NTRK3: variants seen among roughly 807,000 people sequenced by gnomAD.
The protein encoded by NTRK3 is NT-3 growth factor receptor.
Under a neutral mutation model 91.7 loss-of-function variants are expected in NTRK3, and 24 were observed. That is an observed-to-expected ratio of 0.26 (90% confidence interval 0.19 to 0.37). The LOEUF is 0.37. Among genes scored for constraint, NTRK3 ranks in the 10% least tolerant of loss-of-function variants. NTRK3 has a pLI of 1.00. For synonymous variants in NTRK3, 483 were observed against 404.0 expected, an observed-to-expected ratio of 1.20 and a Z score of -2.34; for missense variants, 880 against 1,068.9, an observed-to-expected ratio of 0.82 and a Z score of 2.46.
intron 17 of NTRK3, among the ~76,000 whole-genome samples, chr15:87,923,458 A>G (rs1021713072): frequency 2.6e-5 from 4 of 152,210 alleles, no homozygotes; most frequent in Non-Finnish European, 5.9e-5. Context: ...GTAGAGCTCC[A>G]TGAGCCTGAA....
rs947854665 is a variant in NTRK3 at position 88,235,205 on chromosome 15, T to C, written c.248+20701A>G. 1.3e-5 allele frequency among the ~76,000 whole-genome samples: 2 copies of C among 152,202 alleles called. No homozygotes were observed. The highest frequency in any genetic ancestry group is 2.9e-5 in the Non-Finnish European group (2 of 68,036). ...ATATCAACGGATGGCCTCTATCCACTGAATTGTAAGGTCCCAGGCCAGAAA... is the reference window on the plus strand; with the variant it reads ...ATATCAACGGATGGCCTCTATCCACCGAATTGTAAGGTCCCAGGCCAGAAA... On this transcript the variant is annotated intron_variant, in intron 3 of 18. Transcript: ENST00000394480. This position sits in a 1 kb window ranked among gnomAD's most constrained non-coding sequence, Gnocchi z 5.2.
At chr15:88,107,537 G>C (rs1260730723) in intron 13 of NTRK3, among the ~76,000 whole-genome samples, 2 of 152,054 alleles carry the variant, frequency 1.3e-5, no homozygotes, top group African/African-American at 4.8e-5. Flanking sequence ...AAGAACTGAA[G>C]AGGTCATGGT....
At chr15:88,016,857 TA>T (rs1228895255) in intron 14 of NTRK3, among the ~76,000 whole-genome samples, 2 of 151,432 alleles carry the variant, frequency 1.3e-5, no homozygotes, top group African/African-American at 2.4e-5. Flanking sequence ...TCTCTGGGGA[TA>T]TTTTTTTTTC....
chr15:88,036,708 C>A (rs1056106213), intron 13 of NTRK3, among the ~76,000 whole-genome samples: 1 of 152,144 alleles, frequency 6.6e-6, no homozygotes, highest in African/African-American at 2.4e-5. Flanking sequence ...AGCTCACAAG[C>A]CTTCCTGCAA....
chr15:88,108,368 G>A (rs2050943123), intron 13 of NTRK3, among the ~76,000 whole-genome samples: 2 of 152,196 alleles, frequency 1.3e-5, no homozygotes, highest in Non-Finnish European at 2.9e-5. Flanking sequence ...ACAAAAGGAA[G>A]TTCATTGCCT....
At chr15:87,866,247 A>G (rs937734590) in exon 19 of NTRK3, 2 of 211,536 alleles carry the variant, frequency 9.5e-6, no homozygotes, top group African/African-American at 4.5e-5. Flanking sequence ...CCTCTACCAC[A>G]CTTTCCATCT....
At chr15:87,879,092 C>T (rs935872622) in intron 18 of NTRK3, among the ~76,000 whole-genome samples, 1 of 152,116 alleles carries the variant, frequency 6.6e-6, no homozygotes, top group Admixed American at 6.5e-5. Context: ...GGTCAGGCCC[C>T]ACTGAGCTTG....
chr15:88,179,471 A>G (rs2046275993), intron 5 of NTRK3, among the ~76,000 whole-genome samples: 2 of 152,210 alleles, frequency 1.3e-5, no homozygotes, highest in Admixed American at 6.5e-5. Context: ...TGAGAATTCA[A>G]TGAGATAATG....
At chr15:88,087,028 T>G in intron 13 of NTRK3, among the ~76,000 whole-genome samples, 1 of 152,226 alleles carries the variant, frequency 6.6e-6, no homozygotes, top group Non-Finnish European at 1.5e-5. Flanking sequence ...ATCACTGCAT[T>G]GGGTCACAGA....
intron 3 of NTRK3, among the ~76,000 whole-genome samples, chr15:88,216,005 T>C (rs985007717): frequency 5.3e-5 from 8 of 152,212 alleles, no homozygotes; most frequent in African/African-American, 1.2e-4. Context: ...CCCATTATAA[T>C]TGGAGAAAGC....
chr15:87,911,788 TCATTTAATGAA>T (rs1399423005), intron 17 of NTRK3, among the ~76,000 whole-genome samples: 1 of 152,224 alleles, frequency 6.6e-6, no homozygotes, highest in Non-Finnish European at 1.5e-5. Flanking sequence ...CTGGTTTATG[TCATTTAATGAA>T]CATTTATGAA....
intron 6 of NTRK3, among the ~76,000 whole-genome samples, chr15:88,146,231 G>A (rs749940491): frequency 5.3e-5 from 8 of 152,194 alleles, no homozygotes; most frequent in Non-Finnish European, 1.2e-4. Context: ...CTACTGGGAT[G>A]CTTGATGTAA....
intron 13 of NTRK3, among the ~76,000 whole-genome samples, chr15:88,087,012 G>C (rs184636715): frequency 6.6e-6 from 1 of 152,208 alleles, no homozygotes; most frequent in Non-Finnish European, 1.5e-5. Context: ...GCTCAAAAAC[G>C]GGTGCATCAC....
chr15:88,043,745 A>C lies in NTRK3; in HGVS notation c.1397-10700T>G, dbSNP rs3784433. ...TGGCTTCAATATGAAGTTCTTTCAA[A>C]TTAAAGTGAGGCACAATGAGTTAGA... On this transcript the variant is annotated intron_variant, in intron 13 of 18. Transcript: ENST00000394480. Among the ~76,000 whole-genome samples the C allele has an allele frequency of 1.1e-3, 168 of 152,350 alleles. 4 individuals carry two copies. The East Asian group carries it at 0.03, about 27-fold the overall frequency.
At chr15:87,860,524 A>G (rs969893137) in exon 19 of NTRK3, 1 of 201,024 alleles carries the variant, frequency 5.0e-6, no homozygotes, top group Non-Finnish European at 1.0e-5. Flanking sequence ...TAAGAGTTTT[A>G]CTTAGACAAT....
At chr15:87,971,730 T>C (rs1157152046) in intron 14 of NTRK3, among the ~76,000 whole-genome samples, 1 of 152,080 alleles carries the variant, frequency 6.6e-6, no homozygotes, top group African/African-American at 2.4e-5. Context: ...CTGTGAGAGG[T>C]AAATATTTCC....
chr15:87,996,493 G>A (rs2075715245), intron 14 of NTRK3, among the ~76,000 whole-genome samples: 1 of 152,116 alleles, frequency 6.6e-6, no homozygotes, highest in African/African-American at 2.4e-5. Context: ...ATAGGGGGTG[G>A]GAGAGGAGGC....
Position 87,998,616 on chromosome 15 carries a change from C to T in NTRK3, c.1585+34241G>A, listed in dbSNP as rs547358542. On this transcript the variant is annotated intron_variant, in intron 14 of 18. Transcript: ENST00000394480. The stretch of plus-strand genomic sequence containing the variant: ...ATCCATGTAAACTCACAGCCAACCA[C>T]CCCTTATTATACCACATTAGGGAGT... Among the ~76,000 whole-genome samples, 143 of 152,320 alleles carry T rather than the reference C, an allele frequency of 9.4e-4. 1 individual carries two copies. The highest frequency in any genetic ancestry group is 3.4e-3 in the African/African-American group (142 of 41,570).
At chr15:88,102,424 G>A (rs1328990407) in intron 13 of NTRK3, among the ~76,000 whole-genome samples, 1 of 152,110 alleles carries the variant, frequency 6.6e-6, no homozygotes, top group Non-Finnish European at 1.5e-5. Flanking sequence ...GAAGGAATAA[G>A]ACCTAGTGTT....
Sources: allele counts gnomAD v4.1 joint callset (sites outside exome capture counted in the v4.1 genomes callset), GRCh38; gene constraint gnomAD v4.1.1; non-coding constraint Gnocchi (gnomAD v3.1); transcripts MANE v1.5; gene names NCBI Gene and HGNC (gene_info 2026-07-23, HGNC 2026-07-21).